KLC1: variants seen among roughly 807,000 people sequenced by gnomAD.
The protein encoded by KLC1 is kinesin 2 60/70kDa.
KLC1 carries 30 observed loss-of-function variants against 84.2 expected under a neutral mutation model. That is an observed-to-expected ratio of 0.36 (90% CI 0.27 to 0.48). KLC1 has a LOEUF of 0.48. Ranked by LOEUF, KLC1 falls within the 20% of genes least tolerant of loss-of-function variation. The probability of loss-of-function intolerance (pLI) is 0.99; values close to 1 mark genes in which losing one functional copy is unlikely to be tolerated. For missense variants in KLC1, 499 were observed against 805.4 expected, an observed-to-expected ratio of 0.62 and a Z score of 4.60; for synonymous variants, 289 against 293.3, an observed-to-expected ratio of 0.99 and a Z score of 0.15.
chr14:103,689,197 G>A (rs760189413), intron 14 of KLC1, among the ~76,000 whole-genome samples: 2 of 152,168 alleles, frequency 1.3e-5, no homozygotes, highest in Non-Finnish European at 1.5e-5. Flanking sequence ...GATTGTTTGA[G>A]GTTCTTAAGT....
chr14:103,685,396 T>C, intron 13 of KLC1: 1 of 1,199,436 alleles, frequency 8.3e-7, no homozygotes, highest in Non-Finnish European at 1.1e-6. Context: ...GTGTTGACAT[T>C]TACTTTGATG....
chr14:103,635,638 C>CG (rs1567003930), intron 1 of KLC1, among the ~76,000 whole-genome samples: 1 of 151,778 alleles, frequency 6.6e-6, no homozygotes, highest in African/African-American at 2.4e-5. Context: ...TCTGTAGTCC[C>CG]GGGTATTTGG....
At chr14:103,696,620 C>T (rs985756793) in intron 15 of KLC1, 1 of 985,508 alleles carries the variant, frequency 1.0e-6, no homozygotes, top group Non-Finnish European at 1.2e-6. Flanking sequence ...CCAGCTCTGA[C>T]CGTGTCTTGC....
chr14:103,651,794 T>A (rs2078465670), intron 1 of KLC1, among the ~76,000 whole-genome samples: 1 of 152,188 alleles, frequency 6.6e-6, no homozygotes, highest in Non-Finnish European at 1.5e-5. Context: ...CCCTTAGCAA[T>A]CTTAGTAGCC....
At chr14:103,692,238 G>A in intron 14 of KLC1, 121 bp from the exon 15 acceptor site, 1 of 835,864 alleles carries the variant, frequency 1.2e-6, no homozygotes, top group Non-Finnish European at 1.9e-6. Flanking sequence ...CAAGATGAAG[G>A]CAAGGTCCCT....
chr14:103,658,562 AC>A (rs2079015125), intron 3 of KLC1, among the ~76,000 whole-genome samples: 1 of 149,030 alleles, frequency 6.7e-6, no homozygotes. Context: ...GGTGGGAGCC[AC>A]CATGCCCAGC....
In KLC1 at chr14:103,670,074, T is replaced by G. The variant is rs1185327364; in HGVS notation, c.886-108T>G. 6.7e-6 allele frequency: 5 copies of G among 741,720 alleles called. No individual in the cohort carries two copies. The African/African-American group carries it at 8.7e-5, about 13-fold the overall frequency. 45.9% of individuals were successfully genotyped at this position (741,720 alleles called of 1,614,324 possible). On this transcript the variant is annotated intron_variant, in intron 6 of 16. Transcript: ENST00000334553. Reference sequence around the variant, plus strand: ...CTGAAGTCATATTGTTCTATCCGACTAAGAATGCTTTACTGTATAGATTGA... The same window carrying G: ...CTGAAGTCATATTGTTCTATCCGACGAAGAATGCTTTACTGTATAGATTGA...
chr14:103,684,501 G>T (rs1163026054), intron 13 of KLC1, among the ~76,000 whole-genome samples: 1 of 152,220 alleles, frequency 6.6e-6, no homozygotes, highest in East Asian at 1.9e-4. Context: ...TCCTCAGGTG[G>T]CAAGTTCAGG....
At chr14:103,654,198 AGT>A (rs2151489121) in intron 1 of KLC1, among the ~76,000 whole-genome samples, 1 of 152,346 alleles carries the variant, frequency 6.6e-6, no homozygotes, top group Non-Finnish European at 1.5e-5. Context: ...CCAAGAATGT[AGT>A]GTTCTTCCTG....
chr14:103,657,057 A>G (rs749802872), intron 2 of KLC1, among the ~76,000 whole-genome samples: 1 of 152,146 alleles, frequency 6.6e-6, no homozygotes, highest in Non-Finnish European at 1.5e-5. Flanking sequence ...GGTGGTAGCT[A>G]CAGAGATGTC....
chr14:103,652,684 G>T (rs2078547423), intron 1 of KLC1, among the ~76,000 whole-genome samples: 1 of 152,104 alleles, frequency 6.6e-6, no homozygotes. Flanking sequence ...TAGAGACGGG[G>T]GTTTCACCAT....
rs1359101656 is a variant in KLC1, at chr14:103,629,469, AG to A, written c.-26del. 6.6e-6 allele frequency: 1 copy of A among 152,274 alleles called. No individual in the cohort carries two copies. The highest frequency in any genetic ancestry group is 6.5e-5 in the Admixed American group (1 of 15,276). The allele number at this position is 152,274 out of a possible 1,614,324, so 9.4% of individuals were successfully genotyped here. ...GCGCTCCAGGTGCTGACAGCGCGAG[AG>A]AGCGCGGCCCTCAGGAGCAAGGCGG... On this transcript the variant is annotated 5_prime_UTR_variant, in exon 1 of 17. Coordinates refer to ENST00000334553, the MANE Select transcript of KLC1 (RefSeq NM_001394837.1).
At chr14:103,641,246 T>A (rs1026018492) in intron 1 of KLC1, among the ~76,000 whole-genome samples, 3 of 152,138 alleles carry the variant, frequency 2.0e-5, no homozygotes, top group Admixed American at 6.6e-5. Flanking sequence ...TTAACTGAAC[T>A]CCACTTTATT....
chr14:103,639,764 T>G (rs2077346554), intron 1 of KLC1, among the ~76,000 whole-genome samples: 1 of 151,524 alleles, frequency 6.6e-6, no homozygotes, highest in Non-Finnish European at 1.5e-5. Context: ...TTATTTTTAT[T>G]TTATTATTTT....
At chr14:103,681,477 G>T (rs964046728) in intron 13 of KLC1, among the ~76,000 whole-genome samples, 8 of 151,704 alleles carry the variant, frequency 5.3e-5, no homozygotes, top group African/African-American at 1.9e-4. Context: ...TTTCCCCCCC[G>T]AGACAAGAAT....
At chr14:103,674,079 A>G (rs536013285) in intron 9 of KLC1, among the ~76,000 whole-genome samples, 80 of 152,264 alleles carry the variant, frequency 5.3e-4, no homozygotes, top group African/African-American at 1.9e-3. Context: ...GCATCACCCA[A>G]ATCCATCTTC....
At chr14:103,685,164 C>A in intron 13 of KLC1, 1 of 1,459,692 alleles carries the variant, frequency 6.9e-7, no homozygotes, top group Non-Finnish European at 9.1e-7. Flanking sequence ...GGATTATCAA[C>A]TGCATGTTTA....
At position 103,700,627 on chromosome 14, in the gene KLC1, G is replaced by A. The variant is rs767070691; in HGVS notation, c.1849-28G>A. Reference sequence around the variant, plus strand: ...CCTGAGGGCCGCCTGCACGCCCTGAGTGAAACTCGTCTGTGCTTCATCTCC... The same window carrying A: ...CCTGAGGGCCGCCTGCACGCCCTGAATGAAACTCGTCTGTGCTTCATCTCC... On this transcript the variant is annotated intron_variant, in intron 15 of 16. Coordinates refer to ENST00000334553, the MANE Select transcript of KLC1 (RefSeq NM_001394837.1). 6.9e-6 allele frequency: 11 copies of A among 1,594,038 alleles called. No individual in the cohort carries two copies. In the Admixed American group the frequency reaches 1.9e-4, roughly 28 times the overall value.
In KLC1 at chr14:103,693,755, AG is replaced by A. The variant is rs1049089268; in HGVS notation, c.1848+1332del. ...AGATAGTGACGTCCACCAACCTTGG[AG>A]GTGCCTTTTCAAAACACCCGGGAGG... On this transcript the variant is annotated intron_variant, in intron 15 of 16. Transcript: ENST00000334553. The surrounding 1 kb of genome is among the most constrained non-coding windows in gnomAD (Gnocchi z 5.1). 1.7e-5 allele frequency: 25 copies of A among 1,434,658 alleles called. No homozygotes were observed. Among genetic ancestry groups the A allele is most frequent in the Middle Eastern group, 2.6e-4 (1 of 3,916 alleles). The allele number at this position is 1,434,658 out of a possible 1,614,324, so 88.9% of individuals were successfully genotyped here. A position where few individuals can be genotyped will look rare whatever the true frequency, so the allele number is the denominator to read the frequency against.
Sources: gnomAD v4.1 joint callset for allele counts (sites outside exome capture counted in the v4.1 genomes callset) on GRCh38, gnomAD v4.1.1 for gene constraint, Gnocchi (gnomAD v3.1) non-coding constraint, MANE v1.5 for transcripts, NCBI Gene and HGNC (gene_info 2026-07-23, HGNC 2026-07-21) for gene names.